The following COL28A1 variants were observed in gnomAD, a reference collection of about 807,000 sequenced individuals.
The protein encoded by COL28A1 is collagen type XXVIII alpha 1 chain.
Under a neutral mutation model 150.2 loss-of-function variants are expected in COL28A1, and 161 were observed. That is an observed-to-expected ratio of 1.07 (90% CI 0.94 to 1.22). The LOEUF is 1.22. COL28A1 is among the 50% of genes most tolerant of loss of function. COL28A1 has a pLI of 0.00. For missense variants in COL28A1, 1,617 were observed against 1,388.3 expected (o/e 1.16, Z -2.62); for synonymous variants, 552 against 469.7 (o/e 1.18, Z -2.26).
upstream of COL28A1, among the ~76,000 whole-genome samples, chr7:7,538,639 G>A (rs780159293): frequency 5.9e-5 from 9 of 152,020 alleles, no homozygotes; most frequent in Non-Finnish European, 8.8e-5. Context: ...TTTCAGTGGT[G>A]ATGATATTTT....
intron 32 of COL28A1, 126 bp downstream of exon 32, chr7:7,372,872 C>T: frequency 1.4e-6 from 1 of 702,946 alleles, no homozygotes. Flanking sequence ...TTACGTGTTA[C>T]CATTTAATGT....
At chr7:7,418,947 G>A (rs1387906963) in intron 26 of COL28A1, among the ~76,000 whole-genome samples, 1 of 152,120 alleles carries the variant, frequency 6.6e-6, no homozygotes, top group African/African-American at 2.4e-5. Context: ...GTAATTCTGG[G>A]ATGCTCAGTA....
chr7:7,465,017 G>A (rs1283752228), intron 15 of COL28A1, among the ~76,000 whole-genome samples: 1 of 152,068 alleles, frequency 6.6e-6, no homozygotes, highest in East Asian at 1.9e-4. Flanking sequence ...GATCATTCAA[G>A]GCTACTATGA....
At chr7:7,415,578 G>A (rs1320658637) in intron 27 of COL28A1, among the ~76,000 whole-genome samples, 12 of 152,316 alleles carry the variant, frequency 7.9e-5, no homozygotes, top group Non-Finnish European at 7.3e-5. Context: ...CTGTTGCCCA[G>A]GCAGGAGTGC....
chr7:7,432,509 C>T lies in COL28A1; in HGVS notation c.1962G>A (p.Pro654=), dbSNP rs115295026. 70 of 1,613,986 alleles carry T rather than the reference C, an allele frequency of 4.3e-5. No homozygotes were observed. Among genetic ancestry groups the T allele is most frequent in the Admixed American group, 1.2e-4 (7 of 59,982 alleles). Residue 654 remains proline (P), a synonymous_variant, in exon 25 of 35, where the codon CCG becomes CCA. Transcript: ENST00000399429. ...GPRGLPGPPG[P]MGLRGVGDTG... is the part of the protein sequence containing the mutation. The stretch of plus-strand genomic sequence containing the variant: ...TGTCTCCCACTCCACGTAAACCCAT[C>T]GGCCCAGGGGGTCCTGGTAATCCAC...
rs147778421 is a variant in COL28A1 at position 7,464,698 on chromosome 7, A to G, written c.1303-8586T>C. Among the ~76,000 whole-genome samples the G allele has an allele frequency of 4.6e-3, 708 of 152,338 alleles. 5 individuals carry two copies. Among genetic ancestry groups the G allele is most frequent in the East Asian group, 0.022 (115 of 5,188 alleles). On this transcript the variant is annotated intron_variant, in intron 15 of 34. Coordinates refer to ENST00000399429, the MANE Select transcript of COL28A1 (RefSeq NM_001037763.3). ...GGAAAGTTCATAGCCCTAAACACCT[A>G]TATCAAAAAGTCTGAAAGAGCACAA...
intron 32 of COL28A1, among the ~76,000 whole-genome samples, chr7:7,371,265 T>G (rs1043950607): frequency 1.3e-5 from 2 of 152,194 alleles, no homozygotes; most frequent in East Asian, 3.9e-4. Context: ...TAACTCCAGA[T>G]ATAATGATAA....
chr7:7,383,120 A>T (rs1781957327), intron 27 of COL28A1, among the ~76,000 whole-genome samples: 2 of 152,318 alleles, frequency 1.3e-5, no homozygotes, highest in South Asian at 4.1e-4. Context: ...ATACAATTCA[A>T]ACCTCTTAGG....
At chr7:7,371,919 G>A (rs1451077153) in intron 32 of COL28A1, among the ~76,000 whole-genome samples, 5 of 151,806 alleles carry the variant, frequency 3.3e-5, no homozygotes, top group Admixed American at 2.6e-4. Context: ...TGTAACCTCC[G>A]CCTCCCAGGT....
chr7:7,409,566 TCACA>T (rs1783669968), intron 27 of COL28A1, among the ~76,000 whole-genome samples: 1 of 152,188 alleles, frequency 6.6e-6, no homozygotes, highest in Non-Finnish European at 1.5e-5. Flanking sequence ...ATGAAATCTT[TCACA>T]TGATTTTCTA....
chr7:7,505,313 G>C (rs538766524), intron 11 of COL28A1, among the ~76,000 whole-genome samples: 4 of 152,124 alleles, frequency 2.6e-5, no homozygotes, highest in Admixed American at 1.3e-4. Flanking sequence ...AAATCACTAA[G>C]TCGACACCAT....
At chr7:7,509,785 A>G (rs551623077) in intron 9 of COL28A1, among the ~76,000 whole-genome samples, 4 of 152,142 alleles carry the variant, frequency 2.6e-5, no homozygotes, top group African/African-American at 9.6e-5. Context: ...TTTCATTTCT[A>G]TTCTATTCTA....
chr7:7,418,613 A>T (rs1784232354), intron 26 of COL28A1, among the ~76,000 whole-genome samples: 1 of 152,196 alleles, frequency 6.6e-6, no homozygotes, highest in Non-Finnish European at 1.5e-5. Flanking sequence ...GAAGTTCCTA[A>T]ATTAACACTG....
At chr7:7,428,004 A>C (rs1462128047) in intron 25 of COL28A1, among the ~76,000 whole-genome samples, 1 of 152,218 alleles carries the variant, frequency 6.6e-6, no homozygotes, top group East Asian at 1.9e-4. Flanking sequence ...ATGTAGTATC[A>C]AAAATGTTTC....
intron 15 of COL28A1, among the ~76,000 whole-genome samples, chr7:7,471,975 T>C (rs1360204600): frequency 3.3e-5 from 5 of 152,188 alleles, no homozygotes; most frequent in African/African-American, 1.2e-4. Flanking sequence ...CCAGCATCCC[T>C]TTATGATTAA....
intron 11 of COL28A1, among the ~76,000 whole-genome samples, chr7:7,494,680 C>T (rs75307380): frequency 0.041 from 6,306 of 152,250 alleles, 185 homozygotes; most frequent in Middle Eastern, 0.065. Flanking sequence ...TAATCACAGA[C>T]ATAAATCAGA....
At chr7:7,349,142 G>A in the COL28A1 span, among the ~76,000 whole-genome samples, 1 of 152,020 alleles carries the variant, frequency 6.6e-6, no homozygotes, top group Admixed American at 6.6e-5. Context: ...CCTTAAAGTA[G>A]TCTATATAGT....
intron 16 of COL28A1, among the ~76,000 whole-genome samples, chr7:7,454,504 A>G (rs4418259): frequency 6.6e-6 from 1 of 152,118 alleles, no homozygotes; most frequent in South Asian, 2.1e-4. Flanking sequence ...TTTTTTCTTT[A>G]CAAAAAGAAG....
chr7:7,345,521 A>G, the COL28A1 span, among the ~76,000 whole-genome samples: 5 of 152,040 alleles, frequency 3.3e-5, no homozygotes, highest in Admixed American at 6.6e-5. Flanking sequence ...ACCATTTTTT[A>G]TAGTACCTAT....
Sources: gnomAD v4.1 joint callset for allele counts (sites outside exome capture counted in the v4.1 genomes callset) on GRCh38, gnomAD v4.1.1 for gene constraint, MANE v1.5 for transcripts, NCBI Gene and HGNC (gene_info 2026-07-23, HGNC 2026-07-21) for gene names.